Variants in KIAA1217 observed in about 807,000 individuals in gnomAD.
KIAA1217 encodes the protein sickle tail protein homolog.
A neutral mutation model predicts 163.9 loss-of-function variants in KIAA1217; 88 were observed. That is an observed-to-expected ratio of 0.54 (90% CI 0.45 to 0.64). The LOEUF is 0.64. KIAA1217 is among the 30% of genes least tolerant of loss of function. The pLI, the probability that KIAA1217 is intolerant of heterozygous loss-of-function variation, is 0.00. For missense variants in KIAA1217, 2,372 were observed against 2,475.0 expected, an observed-to-expected ratio of 0.96 and a Z score of 0.88; for synonymous variants, 903 against 923.1, an observed-to-expected ratio of 0.98 and a Z score of 0.39.
intron 1 of KIAA1217, among the ~76,000 whole-genome samples, chr10:23,908,338 A>G (rs1407275838): frequency 6.6e-6 from 1 of 152,048 alleles, no homozygotes; most frequent in Non-Finnish European, 1.5e-5. Context: ...TGCGTCCTCC[A>G]GTTTCCAGGC....
At chr10:24,292,918 GA>G (rs1259559915) in intron 2 of KIAA1217, among the ~76,000 whole-genome samples, 1 of 152,140 alleles carries the variant, frequency 6.6e-6, no homozygotes, top group Non-Finnish European at 1.5e-5. Flanking sequence ...AGTATATCTG[GA>G]AATACGCAGA....
At chr10:24,453,751 A>G (rs1398557942) in intron 5 of KIAA1217, among the ~76,000 whole-genome samples, 1 of 152,212 alleles carries the variant, frequency 6.6e-6, no homozygotes, top group Non-Finnish European at 1.5e-5. Context: ...CAGTTTGTAA[A>G]TGGTAATAAT....
chr10:24,355,216 C>T (rs941704696), intron 2 of KIAA1217, among the ~76,000 whole-genome samples: 19 of 152,120 alleles, frequency 1.2e-4, no homozygotes, highest in African/African-American at 4.1e-4. Context: ...GGGCTTCAGC[C>T]CCTCAGGATA....
At chr10:23,906,456 G>A (rs1842167773) in intron 1 of KIAA1217, among the ~76,000 whole-genome samples, 1 of 152,072 alleles carries the variant, frequency 6.6e-6, no homozygotes, top group Non-Finnish European at 1.5e-5. Context: ...TAGATGGTCA[G>A]GGTTTTTTAT....
intron 2 of KIAA1217, among the ~76,000 whole-genome samples, chr10:24,134,075 A>G (rs1415483367): frequency 6.6e-6 from 1 of 152,196 alleles, no homozygotes; most frequent in African/African-American, 2.4e-5. Context: ...AAGTACAAAT[A>G]AAGTACTCTG....
chr10:24,397,822 C>A (rs1407269914), intron 3 of KIAA1217, among the ~76,000 whole-genome samples: 1 of 152,210 alleles, frequency 6.6e-6, no homozygotes, highest in East Asian at 1.9e-4. Flanking sequence ...GTGCCATTCA[C>A]ACCTGTAGCT....
At chr10:24,097,607 T>C (rs932799185) in intron 2 of KIAA1217, among the ~76,000 whole-genome samples, 7 of 152,022 alleles carry the variant, frequency 4.6e-5, no homozygotes, top group Non-Finnish European at 1.0e-4. Flanking sequence ...TGGAAATTTT[T>C]TAAATAGTAA....
In KIAA1217 at chr10:24,444,584, T is replaced by C. The variant is rs141842410; in HGVS notation, c.846+6105T>C. On this transcript the variant is annotated intron_variant, in intron 5 of 20. Coordinates refer to ENST00000376454, the MANE Select transcript of KIAA1217 (RefSeq NM_019590.5). ...TCATGGCATCTTAACCCCTGGTGAGTGCAGAGTAAACACACTTGTTAAACA... is the reference window on the plus strand; with the variant it reads ...TCATGGCATCTTAACCCCTGGTGAGCGCAGAGTAAACACACTTGTTAAACA... 8.5e-5 allele frequency among the ~76,000 whole-genome samples: 13 copies of C among 152,312 alleles called. No homozygotes were observed. The East Asian group carries it at 1.3e-3, about 16-fold the overall frequency.
intron 1 of KIAA1217, among the ~76,000 whole-genome samples, chr10:23,957,828 A>G (rs1194625387): frequency 6.6e-6 from 1 of 152,078 alleles, no homozygotes; most frequent in Non-Finnish European, 1.5e-5. Flanking sequence ...CTATTTCTCT[A>G]TCATCATGGT....
At chr10:24,168,884 A>T (rs2065484258) in intron 2 of KIAA1217, among the ~76,000 whole-genome samples, 1 of 152,172 alleles carries the variant, frequency 6.6e-6, no homozygotes, top group South Asian at 2.1e-4. Flanking sequence ...GCCATTTTTC[A>T]TCTGGATCAT....
chr10:23,700,461 C>A (rs1836367243), intron 1 of KIAA1217, among the ~76,000 whole-genome samples: 1 of 152,032 alleles, frequency 6.6e-6, no homozygotes, highest in Non-Finnish European at 1.5e-5. Flanking sequence ...TAATGTGACT[C>A]CTCTGCTTAA....
At chr10:23,978,983 G>A (rs1014142169) in intron 1 of KIAA1217, among the ~76,000 whole-genome samples, 2 of 152,070 alleles carry the variant, frequency 1.3e-5, no homozygotes, top group African/African-American at 4.8e-5. Flanking sequence ...CACCTGGGAA[G>A]CAAAGTAAGC....
chr10:23,961,931 C>A (rs745594534), intron 1 of KIAA1217, among the ~76,000 whole-genome samples: 1 of 152,150 alleles, frequency 6.6e-6, no homozygotes, highest in Non-Finnish European at 1.5e-5. Context: ...CTAAATTTCC[C>A]CTTCTTATAA....
At chr10:24,166,004 C>T (rs950848211) in intron 2 of KIAA1217, among the ~76,000 whole-genome samples, 1 of 152,146 alleles carries the variant, frequency 6.6e-6, no homozygotes. Flanking sequence ...CTTCCATGCT[C>T]CATCCTCCTC....
intron 1 of KIAA1217, among the ~76,000 whole-genome samples, chr10:23,868,802 G>A (rs1840316025): frequency 1.3e-5 from 2 of 152,076 alleles, no homozygotes; most frequent in Admixed American, 6.6e-5. Flanking sequence ...CTAATACAAT[G>A]TTATCACTTG....
chr10:24,059,811 C>T (rs1262637239), intron 2 of KIAA1217, among the ~76,000 whole-genome samples: 2 of 152,142 alleles, frequency 1.3e-5, no homozygotes, highest in East Asian at 3.9e-4. Flanking sequence ...ACGATCCGCC[C>T]ACCTCGGCCT....
chr10:23,788,129 T>G (rs1835579408), intron 1 of KIAA1217, among the ~76,000 whole-genome samples: 1 of 152,058 alleles, frequency 6.6e-6, no homozygotes, highest in African/African-American at 2.4e-5. Context: ...GCCTGGGAGT[T>G]TGAGGCTGCA....
chr10:24,442,358 TG>T (rs977637987), intron 5 of KIAA1217, among the ~76,000 whole-genome samples: 5 of 152,334 alleles, frequency 3.3e-5, no homozygotes, highest in African/African-American at 1.2e-4. Context: ...TTATTTGTTT[TG>T]TTTTTTTAAA....
At chr10:24,146,551 T>A (rs977821869) in intron 2 of KIAA1217, among the ~76,000 whole-genome samples, 1 of 151,932 alleles carries the variant, frequency 6.6e-6, no homozygotes, top group Admixed American at 6.6e-5. Flanking sequence ...CCAGGTATGG[T>A]GGAACACGCC....
Sources: allele counts gnomAD v4.1 joint callset (sites outside exome capture counted in the v4.1 genomes callset), GRCh38; gene constraint gnomAD v4.1.1; transcripts MANE v1.5; gene names NCBI Gene and HGNC (gene_info 2026-07-23, HGNC 2026-07-21).